The following VWC2 variants were observed in gnomAD, a reference collection of about 807,000 sequenced individuals.
VWC2 encodes the protein von Willebrand factor C domain containing 2, also known as brorin.
A neutral mutation model predicts 29.8 loss-of-function variants in VWC2; 14 were observed. The ratio of observed to expected loss-of-function variants is 0.47; its 90% confidence interval spans 0.31 to 0.74. VWC2 has a LOEUF of 0.74. VWC2 is among the 30% of genes least tolerant of loss of function. The pLI, the probability that VWC2 is intolerant of heterozygous loss-of-function variation, is 0.05. For missense variants in VWC2, 457 were observed against 459.8 expected (o/e 0.99, Z 0.05); for synonymous variants, 213 against 199.0 (o/e 1.07, Z -0.59).
chr7:49,802,164 T>G lies in VWC2; in HGVS notation c.697-547T>G, dbSNP rs188720314. ...AATATGCAGACCACAAATTAAACAG[T>G]GGCTCTGGCTGGACAGGAGAGGGAA... On this transcript the variant is annotated intron_variant, in intron 2 of 3. Transcript: ENST00000340652. Among the ~76,000 whole-genome samples, 34 of 152,368 alleles carry G rather than the reference T, an allele frequency of 2.2e-4. 1 individual carries two copies. The South Asian group carries it at 4.1e-3, about 19-fold the overall frequency.
intron 3 of VWC2, among the ~76,000 whole-genome samples, chr7:49,891,493 G>A (rs185841825): frequency 3.7e-4 from 57 of 152,144 alleles, no homozygotes; most frequent in Non-Finnish European, 5.0e-4. Context: ...ATAATGACAA[G>A]ATACTTCAAA....
At chr7:49,845,619 T>C (rs1484224398) in intron 3 of VWC2, among the ~76,000 whole-genome samples, 1 of 152,212 alleles carries the variant, frequency 6.6e-6, no homozygotes, top group Non-Finnish European at 1.5e-5. Flanking sequence ...CCAAAGTCAG[T>C]CTTCAAATAC....
Position 49,849,704 on chromosome 7 carries a change from T to C in VWC2, c.826+46864T>C, listed in dbSNP as rs147517255. Among the ~76,000 whole-genome samples, 13 of 152,286 alleles carry C rather than the reference T, an allele frequency of 8.5e-5. No individual in the cohort carries two copies. In the East Asian group the frequency reaches 2.5e-3, roughly 29 times the overall value. On this transcript the variant is annotated intron_variant, in intron 3 of 3. Coordinates refer to ENST00000340652, the MANE Select transcript of VWC2 (RefSeq NM_198570.5). ...AGTGCCCTATTTATTTCAGGGAGAT[T>C]GTGGATGTCAGCAGAAGCCTGAAGA...
chr7:49,788,164 G>A (rs534686922), intron 2 of VWC2, among the ~76,000 whole-genome samples: 10 of 152,160 alleles, frequency 6.6e-5, no homozygotes, highest in Non-Finnish European at 1.2e-4. Flanking sequence ...CTCCTGGCTC[G>A]GGCTGTGGTC....
At chr7:49,777,145 TATG>T (rs1234679081) in intron 2 of VWC2, among the ~76,000 whole-genome samples, 1 of 152,194 alleles carries the variant, frequency 6.6e-6, no homozygotes, top group East Asian at 1.9e-4. Context: ...AGGTTCAACC[TATG>T]GCCTGCCTGG....
At chr7:49,781,724 G>C (rs1788181838) in intron 2 of VWC2, among the ~76,000 whole-genome samples, 1 of 152,196 alleles carries the variant, frequency 6.6e-6, no homozygotes, top group South Asian at 2.1e-4. Flanking sequence ...TACAAGCCCA[G>C]AGTGCCTTGC....
intron 3 of VWC2, among the ~76,000 whole-genome samples, chr7:49,856,882 G>A (rs899713696): frequency 1.3e-4 from 19 of 151,788 alleles, no homozygotes; most frequent in Admixed American, 3.9e-4. Flanking sequence ...GGTGGCGGGC[G>A]CCTGTAGTCC....
intron 2 of VWC2, among the ~76,000 whole-genome samples, chr7:49,798,832 A>T (rs1788662809): frequency 6.6e-6 from 1 of 152,288 alleles, no homozygotes; most frequent in Non-Finnish European, 1.5e-5. Flanking sequence ...CCTTCCTTAC[A>T]TGAGGGCTGT....
chr7:49,822,627 C>T (rs1789288562), intron 3 of VWC2, among the ~76,000 whole-genome samples: 1 of 152,102 alleles, frequency 6.6e-6, no homozygotes. Flanking sequence ...TTAGTAGAGA[C>T]AGGATTTCAC....
intron 2 of VWC2, among the ~76,000 whole-genome samples, chr7:49,799,364 A>G (rs1469092765): frequency 1.3e-5 from 2 of 152,240 alleles, no homozygotes; most frequent in Non-Finnish European, 2.9e-5. Context: ...GAATGTCCCT[A>G]TCAGATGAGA....
intron 3 of VWC2, among the ~76,000 whole-genome samples, chr7:49,816,607 G>A (rs1038569192): frequency 1.3e-5 from 2 of 152,156 alleles, no homozygotes; most frequent in Non-Finnish European, 2.9e-5. Context: ...AAGGATGAAT[G>A]TTTTAAGTGC....
intron 3 of VWC2, among the ~76,000 whole-genome samples, chr7:49,854,357 C>A (rs1208463634): frequency 6.6e-6 from 1 of 152,174 alleles, no homozygotes; most frequent in African/African-American, 2.4e-5. Flanking sequence ...TATTTCCCCA[C>A]ATCCTCTCCA....
intron 2 of VWC2, among the ~76,000 whole-genome samples, chr7:49,792,287 A>G (rs1479115602): frequency 6.6e-6 from 1 of 152,194 alleles, no homozygotes; most frequent in African/African-American, 2.4e-5. Context: ...CAGCAATTTA[A>G]CCATCCTCAT....
At chr7:49,911,480 CAAAAAAA>C (rs34782644) in intron 3 of VWC2, among the ~76,000 whole-genome samples, 7 of 71,612 alleles carry the variant, frequency 9.8e-5, no homozygotes, top group African/African-American at 2.5e-4. Flanking sequence ...GACTCTGTCT[CAAAAAAA>C]AAAAAAAAAA....
At chr7:49,888,368 T>G (rs1291886949) in intron 3 of VWC2, among the ~76,000 whole-genome samples, 1 of 152,270 alleles carries the variant, frequency 6.6e-6, no homozygotes, top group Non-Finnish European at 1.5e-5. Flanking sequence ...CTAAATTTAG[T>G]TCTTGTTCAG....
At chr7:49,867,924 C>T (rs1163869639) in intron 3 of VWC2, among the ~76,000 whole-genome samples, 1 of 151,752 alleles carries the variant, frequency 6.6e-6, no homozygotes, top group African/African-American at 2.4e-5. Context: ...ATCTCCGCCT[C>T]CCAAGTTCAA....
intron 3 of VWC2, among the ~76,000 whole-genome samples, chr7:49,851,615 T>A (rs532329485): frequency 6.6e-6 from 1 of 152,186 alleles, no homozygotes; most frequent in Non-Finnish European, 1.5e-5. Context: ...ATCCCAGCAC[T>A]TCGGGAGGCC....
intron 2 of VWC2, among the ~76,000 whole-genome samples, chr7:49,791,162 G>T (rs1384908783): frequency 3.3e-5 from 5 of 152,168 alleles, no homozygotes; most frequent in African/African-American, 9.7e-5. Flanking sequence ...TCAGAAGCTA[G>T]TAAGACTACA....
intron 2 of VWC2, among the ~76,000 whole-genome samples, chr7:49,791,821 A>C (rs1788467774): frequency 6.6e-6 from 1 of 152,130 alleles, no homozygotes; most frequent in Admixed American, 6.5e-5. Context: ...GAACCTCCAG[A>C]CTTTGGCTCT....
Sources: gnomAD v4.1 joint callset for allele counts (sites outside exome capture counted in the v4.1 genomes callset) on GRCh38, gnomAD v4.1.1 for gene constraint, MANE v1.5 for transcripts, NCBI Gene and HGNC (gene_info 2026-07-23, HGNC 2026-07-21) for gene names.